ZNF407: variants seen among roughly 807,000 people sequenced by gnomAD.
ZNF407 encodes the protein zinc finger protein 407.
In ZNF407, 17 loss-of-function variants were observed where a neutral mutation model predicts 131.2. The observed-to-expected ratio is 0.13, with a 90% CI of 0.09 to 0.19. ZNF407 has a LOEUF of 0.19. Among genes scored for constraint, ZNF407 ranks in the 10% least tolerant of loss-of-function variants. The pLI, the probability that ZNF407 is intolerant of heterozygous loss-of-function variation, is 1.00. For synonymous variants in ZNF407, 1,156 were observed against 1,062.0 expected, an observed-to-expected ratio of 1.09 and a Z score of -1.72; for missense variants, 2,681 against 2,830.6, an observed-to-expected ratio of 0.95 and a Z score of 1.20.
intron 8 of ZNF407, among the ~76,000 whole-genome samples, chr18:75,029,695 G>A (rs560947242): frequency 5.3e-5 from 8 of 152,378 alleles, no homozygotes; most frequent in South Asian, 4.1e-4. Flanking sequence ...TCTTCAGCTC[G>A]TGCAGGTGCT....
chr18:74,637,160 G>C (rs1329008273), intron 2 of ZNF407, among the ~76,000 whole-genome samples: 1 of 152,164 alleles, frequency 6.6e-6, no homozygotes, highest in African/African-American at 2.4e-5. Flanking sequence ...ACAAATTCAA[G>C]AACAGAGTAA....
chr18:74,828,821 A>G (rs1294265898), intron 4 of ZNF407, among the ~76,000 whole-genome samples: 2 of 135,160 alleles, frequency 1.5e-5, no homozygotes, highest in East Asian at 4.6e-4. Flanking sequence ...TATTTTCCTA[A>G]TGCATAAAAG....
intron 8 of ZNF407, among the ~76,000 whole-genome samples, chr18:75,001,989 C>G (rs1972850418): frequency 6.6e-6 from 1 of 152,138 alleles, no homozygotes; most frequent in Admixed American, 6.5e-5. Context: ...GCCCCCATAC[C>G]AGAGTCACCC....
chr18:74,772,644 G>A (rs1365037677), intron 3 of ZNF407, among the ~76,000 whole-genome samples: 1 of 152,088 alleles, frequency 6.6e-6, no homozygotes, highest in Non-Finnish European at 1.5e-5. Context: ...TATTTCAGCA[G>A]TTAGAATACC....
At chr18:74,675,507 G>A (rs1986318246) in intron 3 of ZNF407, among the ~76,000 whole-genome samples, 1 of 152,146 alleles carries the variant, frequency 6.6e-6, no homozygotes, top group African/African-American at 2.4e-5. Context: ...CACAGAGACA[G>A]GCATCTAAAA....
chr18:74,779,773 A>G (rs1487272140), intron 3 of ZNF407, among the ~76,000 whole-genome samples: 1 of 152,094 alleles, frequency 6.6e-6, no homozygotes, highest in Non-Finnish European at 1.5e-5. Context: ...TTTCTATTAA[A>G]AACTGCACTG....
At chr18:74,757,990 A>G (rs929817697) in intron 3 of ZNF407, among the ~76,000 whole-genome samples, 5 of 152,140 alleles carry the variant, frequency 3.3e-5, no homozygotes, top group Non-Finnish European at 5.9e-5. Flanking sequence ...TGTATCTTTC[A>G]TCCTGATACG....
At chr18:74,675,887 C>G (rs751673692) in intron 3 of ZNF407, among the ~76,000 whole-genome samples, 1 of 152,060 alleles carries the variant, frequency 6.6e-6, no homozygotes, top group Middle Eastern at 3.2e-3. Flanking sequence ...AACCTATAGA[C>G]GTTTAAAGCC....
At chr18:74,750,781 G>A (rs546703544) in intron 3 of ZNF407, among the ~76,000 whole-genome samples, 1 of 152,218 alleles carries the variant, frequency 6.6e-6, no homozygotes, top group South Asian at 2.1e-4. Context: ...TTTGTGAGAA[G>A]CCATCAAATG....
chr18:74,753,830 GTC>G (rs990527992), intron 3 of ZNF407, among the ~76,000 whole-genome samples: 5 of 151,834 alleles, frequency 3.3e-5, no homozygotes, highest in Non-Finnish European at 5.9e-5. Flanking sequence ...TTTTTGTTGT[GTC>G]TCTGCCAGGC....
At position 75,005,559 on chromosome 18, in the gene ZNF407, T is replaced by G. The variant is rs563449919; in HGVS notation, c.5429-57591T>G. Among the ~76,000 whole-genome samples, 6 of 152,256 alleles carry G rather than the reference T, an allele frequency of 3.9e-5. No individual in the cohort carries two copies. The East Asian group carries it at 1.2e-3, about 29-fold the overall frequency. ...TTGAAAACCTTGGACATTGACTGCC[T>G]TATTTTTTTTCTGAGGTTATCACAG... On this transcript the variant is annotated intron_variant, in intron 8 of 8. Coordinates refer to ENST00000299687, the MANE Select transcript of ZNF407 (RefSeq NM_017757.3).
chr18:74,882,831 TTATGGTAACAGTA>T (rs1971256081), intron 6 of ZNF407, among the ~76,000 whole-genome samples: 1 of 152,316 alleles, frequency 6.6e-6, no homozygotes, highest in South Asian at 2.1e-4. Flanking sequence ...TTGGAAACAT[TTATGGTAACAGTA>T]TGCTCATGAG....
chr18:75,057,474 A>G (rs1296093817), intron 8 of ZNF407, among the ~76,000 whole-genome samples: 3 of 152,182 alleles, frequency 2.0e-5, no homozygotes, highest in African/African-American at 7.2e-5. Flanking sequence ...AATTTTTATT[A>G]CAAGTTTTTT....
intron 8 of ZNF407, among the ~76,000 whole-genome samples, chr18:74,972,243 T>C (rs1460192196): frequency 6.6e-6 from 1 of 152,182 alleles, no homozygotes; most frequent in African/African-American, 2.4e-5. Flanking sequence ...CTCCACCTCC[T>C]TCTCACTCCG....
At chr18:74,985,703 CAGG>C (rs1972644920) in intron 8 of ZNF407, among the ~76,000 whole-genome samples, 1 of 152,170 alleles carries the variant, frequency 6.6e-6, no homozygotes, top group African/African-American at 2.4e-5. Flanking sequence ...ACTGCTGGGA[CAGG>C]AGCCACACGT....
chr18:74,711,894 G>A (rs1396565562), intron 3 of ZNF407, among the ~76,000 whole-genome samples: 2 of 151,956 alleles, frequency 1.3e-5, no homozygotes, highest in Non-Finnish European at 2.9e-5. Context: ...TTTTTTTAGT[G>A]GAGAGGGATT....
chr18:74,858,630 G>GTGGACT (rs1184531991), intron 4 of ZNF407, among the ~76,000 whole-genome samples: 5 of 152,190 alleles, frequency 3.3e-5, no homozygotes, highest in Non-Finnish European at 7.3e-5. Flanking sequence ...GCAGATCCTA[G>GTGGACT]TGGACTGTGA....
At chr18:75,052,010 C>T (rs564699643) in intron 8 of ZNF407, among the ~76,000 whole-genome samples, 1 of 152,130 alleles carries the variant, frequency 6.6e-6, no homozygotes, top group East Asian at 1.9e-4. Flanking sequence ...GCCATAGATT[C>T]GCACTCAGGA....
intron 3 of ZNF407, among the ~76,000 whole-genome samples, chr18:74,707,105 C>T (rs1406489764): frequency 6.6e-6 from 1 of 152,104 alleles, no homozygotes; most frequent in Non-Finnish European, 1.5e-5. Context: ...TATACGATAC[C>T]ATGCCTGGCT....
Sources: allele counts gnomAD v4.1 joint callset (sites outside exome capture counted in the v4.1 genomes callset), GRCh38; gene constraint gnomAD v4.1.1; transcripts MANE v1.5; gene names NCBI Gene and HGNC (gene_info 2026-07-23, HGNC 2026-07-21).